Variants in PCDHGB1 observed in about 807,000 individuals in gnomAD.
The protein encoded by PCDHGB1 is protocadherin gamma-B1.
In PCDHGB1, 34 loss-of-function variants were observed where a neutral mutation model predicts 56.6. That is an observed-to-expected ratio of 0.60 (90% CI 0.46 to 0.80). The LOEUF is 0.80. Ranked by LOEUF, PCDHGB1 falls within the 30% of genes least tolerant of loss-of-function variation. The pLI, the probability that PCDHGB1 is intolerant of heterozygous loss-of-function variation, is 0.00. For missense variants in PCDHGB1, 1,278 were observed against 1,204.6 expected, an observed-to-expected ratio of 1.06 and a Z score of -0.90; for synonymous variants, 561 against 505.9, an observed-to-expected ratio of 1.11 and a Z score of -1.46.
intron 2 of PCDHGB1, among the ~76,000 whole-genome samples, chr5:141,499,445 C>A (rs904360147): frequency 1.3e-5 from 2 of 152,062 alleles, no homozygotes; most frequent in African/African-American, 4.8e-5. Flanking sequence ...AAAGGAAAAC[C>A]ACCCATCATT....
At chr5:141,405,316 T>C (rs752153213) in intron 1 of PCDHGB1, 5 of 1,614,232 alleles carry the variant, frequency 3.1e-6, no homozygotes, top group Non-Finnish European at 4.2e-6. Context: ...GTGAGAAAAA[T>C]GAGCCTTTGT....
intron 1 of PCDHGB1, chr5:141,372,218 T>G: frequency 3.1e-6 from 5 of 1,613,544 alleles, no homozygotes; most frequent in Non-Finnish European, 4.2e-6. Context: ...CCTACCACAT[T>G]GTGCAGGCCA....
intron 1 of PCDHGB1, among the ~76,000 whole-genome samples, chr5:141,438,036 C>T (rs1299733977): frequency 4.6e-5 from 7 of 152,026 alleles, no homozygotes; most frequent in South Asian, 2.1e-4. Flanking sequence ...CCACCATGCC[C>T]GACCACTTTG....
chr5:141,361,737 C>G, intron 1 of PCDHGB1: 1 of 1,613,162 alleles, frequency 6.2e-7, no homozygotes, highest in Non-Finnish European at 8.5e-7. Flanking sequence ...CACTGCAGGC[C>G]CGCGACCAGG....
intron 1 of PCDHGB1, chr5:141,372,351 C>A: frequency 6.2e-7 from 1 of 1,613,872 alleles, no homozygotes; most frequent in Non-Finnish European, 8.5e-7. Context: ...AGGACAGCAG[C>A]CTCTTTCAGC....
At chr5:141,483,801 C>CT (rs1486591615) in intron 1 of PCDHGB1, among the ~76,000 whole-genome samples, 8 of 152,168 alleles carry the variant, frequency 5.3e-5, no homozygotes, top group Non-Finnish European at 8.8e-5. Flanking sequence ...GTTGTTGCTG[C>CT]TTTTTTTGGC....
chr5:141,418,277 T>G, intron 1 of PCDHGB1: 2 of 1,614,026 alleles, frequency 1.2e-6, no homozygotes, highest in Non-Finnish European at 1.7e-6. Flanking sequence ...TGAAATAAAC[T>G]TAGAAATCAG....
chr5:141,360,083 AT>A (rs1761415587), intron 1 of PCDHGB1: 2 of 1,491,458 alleles, frequency 1.3e-6, no homozygotes, highest in Non-Finnish European at 8.9e-7. Flanking sequence ...GGATTCTGCC[AT>A]CCCCGGAAGG....
chr5:141,430,328 T>C (rs961978065), intron 1 of PCDHGB1, among the ~76,000 whole-genome samples: 1 of 152,036 alleles, frequency 6.6e-6, no homozygotes, highest in Non-Finnish European at 1.5e-5. Flanking sequence ...AAATCATTGT[T>C]TATAGAAACT....
chr5:141,410,849 C>CTTTTTTTTTTT lies in PCDHGB1; in HGVS notation c.2409+58192_2409+58202dup, dbSNP rs759346998. On this transcript the variant is annotated intron_variant, in intron 1 of 3. Coordinates refer to ENST00000523390, the MANE Select transcript of PCDHGB1 (RefSeq NM_018922.3). ...CAGACTGAAGATATTTTGTCTTTGT[C>CTTTTTTTTTTT]TTTTTTTTTTTTTTTTTTTTTTGAG... 217 of 138,154 alleles carry CTTTTTTTTTTT rather than the reference C, an allele frequency of 1.6e-3. 10 individuals carry two copies. The highest frequency in any genetic ancestry group is 4.0e-3 in the African/African-American group (66 of 16,622). The allele number at this position is 138,154 out of a possible 1,614,324, so 8.6% of individuals were successfully genotyped here.
In PCDHGB1 at chr5:141,485,935, C is replaced by T. The variant is rs2099621642; in HGVS notation, c.2410-8872C>T. The T allele has an allele frequency of 6.2e-7, 1 of 1,614,026 alleles. No homozygotes were observed. Among genetic ancestry groups the T allele is most frequent in the Non-Finnish European group, 8.5e-7 (1 of 1,180,038 alleles). On this transcript the variant is annotated intron_variant, in intron 1 of 3. Coordinates refer to ENST00000523390, the MANE Select transcript of PCDHGB1 (RefSeq NM_018922.3). The surrounding 1 kb of genome is among the most constrained non-coding windows in gnomAD (Gnocchi z 5.7). Reference sequence around the variant, plus strand: ...GCTACAGGATTAGTGTGTTGGAGAGCGCACCAGCGGGCATGGTGCTCATCC... The same window carrying T: ...GCTACAGGATTAGTGTGTTGGAGAGTGCACCAGCGGGCATGGTGCTCATCC...
intron 1 of PCDHGB1, among the ~76,000 whole-genome samples, chr5:141,467,591 T>C (rs765816743): frequency 3.3e-5 from 5 of 152,360 alleles, no homozygotes; most frequent in South Asian, 4.1e-4. Flanking sequence ...ATGCCATTTA[T>C]TAAGCACTTC....
chr5:141,467,162 C>T (rs765574629), intron 1 of PCDHGB1, among the ~76,000 whole-genome samples: 1 of 151,724 alleles, frequency 6.6e-6, no homozygotes, highest in Non-Finnish European at 1.5e-5. Flanking sequence ...AAGTGATTCT[C>T]ATCTCTCAGC....
At chr5:141,383,989 A>G in intron 1 of PCDHGB1, 1 of 1,613,876 alleles carries the variant, frequency 6.2e-7, no homozygotes, top group Non-Finnish European at 8.5e-7. Context: ...ACCTCTTGGG[A>G]CAGTCATTGC....
At chr5:141,390,674 T>C (rs1389887545) in intron 1 of PCDHGB1, 1 of 189,116 alleles carries the variant, frequency 5.3e-6, no homozygotes, top group East Asian at 1.5e-4. Flanking sequence ...ATAAAAATAA[T>C]AAAGCCAAAG....
At chr5:141,468,140 C>T (rs910524133) in intron 1 of PCDHGB1, among the ~76,000 whole-genome samples, 3 of 151,942 alleles carry the variant, frequency 2.0e-5, no homozygotes, top group African/African-American at 7.2e-5. Flanking sequence ...GCCTGGCCAA[C>T]ATGGTGAAAC....
At chr5:141,501,718 A>G (rs914077060) in intron 2 of PCDHGB1, among the ~76,000 whole-genome samples, 1 of 152,152 alleles carries the variant, frequency 6.6e-6, no homozygotes, top group Non-Finnish European at 1.5e-5. Flanking sequence ...AAAAAGACAA[A>G]TATATTACCC....
rs575694126 is a variant in PCDHGB1 at position 141,399,993 on chromosome 5, G to A, written c.2409+47324G>A. 3.1e-5 allele frequency: 50 copies of A among 1,612,336 alleles called. 1 individual carries two copies. Among genetic ancestry groups the A allele is most frequent in the Middle Eastern group, 1.8e-4 (1 of 5,462 alleles). On this transcript the variant is annotated intron_variant, in intron 1 of 3. Transcript: ENST00000523390. ...GCCTGGGGCTGCGCACAGGAGAGGT[G>A]CGCACAGCGCGTGCCTTGGGCGACA...
At chr5:141,497,722 T>C (rs1395904793) in intron 2 of PCDHGB1, among the ~76,000 whole-genome samples, 1 of 152,030 alleles carries the variant, frequency 6.6e-6, no homozygotes, top group Non-Finnish European at 1.5e-5. Flanking sequence ...GTATTTTTAG[T>C]AGAGATGGGT....
Sources: allele counts gnomAD v4.1 joint callset (sites outside exome capture counted in the v4.1 genomes callset), GRCh38; gene constraint gnomAD v4.1.1; non-coding constraint Gnocchi (gnomAD v3.1); transcripts MANE v1.5; gene names NCBI Gene and HGNC (gene_info 2026-07-23, HGNC 2026-07-21).